ICA1: variants seen among roughly 807,000 people sequenced by gnomAD.
The protein encoded by ICA1 is islet cell autoantigen 1, also known as 69 kDa islet cell autoantigen.
In ICA1, 40 loss-of-function variants were observed where a neutral mutation model predicts 71.0. The observed-to-expected ratio is 0.56, with a 90% CI of 0.44 to 0.73. The LOEUF (loss-of-function observed/expected upper bound fraction) is 0.73, where lower values mean the gene tolerates loss of function less well. Ranked by LOEUF, ICA1 falls within the 30% of genes least tolerant of loss-of-function variation. The probability of loss-of-function intolerance (pLI) is 0.00; values close to 1 mark genes in which losing one functional copy is unlikely to be tolerated. For synonymous variants in ICA1, 207 were observed against 209.5 expected, an observed-to-expected ratio of 0.99 and a Z score of 0.10; for missense variants, 578 against 576.5, an observed-to-expected ratio of 1.00 and a Z score of -0.03.
chr7:8,131,053 G>A (rs1274074462), intron 12 of ICA1, among the ~76,000 whole-genome samples: 3 of 152,172 alleles, frequency 2.0e-5, no homozygotes, highest in Admixed American at 1.3e-4. Context: ...TGGCTCAGGG[G>A]TGGACACATG....
At chr7:8,129,860 C>A (rs1374952626) in intron 12 of ICA1, among the ~76,000 whole-genome samples, 1 of 132,540 alleles carries the variant, frequency 7.5e-6, no homozygotes, top group Admixed American at 7.9e-5. Flanking sequence ...CCCCTCCCCC[C>A]ACCCCACAAC....
rs554192710 is a variant in ICA1, at chr7:8,257,526, ACT to A, written c.-80+4566_-80+4567del. Among the ~76,000 whole-genome samples the A allele has an allele frequency of 3.5e-3, 539 of 152,104 alleles. 1 individual carries two copies. Among genetic ancestry groups the A allele is most frequent in the Non-Finnish European group, 6.1e-3 (416 of 67,988 alleles). On this transcript the variant is annotated intron_variant, in intron 1 of 13. Coordinates refer to ENST00000402384, the MANE Select transcript of ICA1 (RefSeq NM_001136020.3). ...AGGACCTTTCTAGTCTCCAATCTAG[ACT>A]CTTAAAATTAACAATGACTACTATC...
chr7:8,214,677 T>A (rs1794844569), intron 6 of ICA1, among the ~76,000 whole-genome samples: 1 of 152,122 alleles, frequency 6.6e-6, no homozygotes, highest in African/African-American at 2.4e-5. Context: ...ATGCTCTTAA[T>A]GTTGATGTTG....
intron 13 of ICA1, among the ~76,000 whole-genome samples, chr7:8,125,097 C>G (rs1788653216): frequency 6.6e-6 from 1 of 152,112 alleles, no homozygotes. Context: ...GTGGTAACTC[C>G]TTTAACACTG....
intron 6 of ICA1, among the ~76,000 whole-genome samples, chr7:8,216,584 C>CAAA (rs142208758): frequency 4.9e-5 from 7 of 143,728 alleles, no homozygotes; most frequent in Admixed American, 1.4e-4. Context: ...AAAACAAAAC[C>CAAA]AAAAAAAAAA....
At chr7:8,213,094 CCCCAGTTAA>C (rs1794341487) in intron 6 of ICA1, among the ~76,000 whole-genome samples, 1 of 152,142 alleles carries the variant, frequency 6.6e-6, no homozygotes, top group South Asian at 2.1e-4. Context: ...AAAACAGGCA[CCCCAGTTAA>C]ACAACCAAAC....
chr7:8,175,789 T>C (rs1051994328), intron 6 of ICA1, among the ~76,000 whole-genome samples: 1 of 152,152 alleles, frequency 6.6e-6, no homozygotes, highest in African/African-American at 2.4e-5. Context: ...TTTCTAGGAA[T>C]ATATCAAATG....
intron 4 of ICA1, among the ~76,000 whole-genome samples, chr7:8,227,187 AG>A (rs1396843362): frequency 6.6e-6 from 1 of 152,204 alleles, no homozygotes; most frequent in Non-Finnish European, 1.5e-5. Context: ...CCAGAACACA[AG>A]GTTTAAGCCA....
At position 8,127,937 on chromosome 7, in the gene ICA1, G is replaced by A. The variant is rs367963211; in HGVS notation, c.1266C>T (p.Gly422=). Residue 422 remains glycine (G), a synonymous_variant, in exon 13 of 14, where the codon GGC becomes GGT. Coordinates refer to ENST00000402384, the MANE Select transcript of ICA1 (RefSeq NM_001136020.3). ...LGEPDPKAQT[G]SGFLPSQLLD... ...AAAGCTGCGAAGGAAGGAAACCTGA[G>A]CCTGTCTGGGCCTTGGGGTCTGGCT... 20 of 1,614,134 alleles carry A rather than the reference G, an allele frequency of 1.2e-5. No individual in the cohort carries two copies. The African/African-American group carries it at 2.5e-4, about 20-fold the overall frequency.
chr7:8,189,810 G>A (rs1785018920), intron 6 of ICA1, among the ~76,000 whole-genome samples: 1 of 152,186 alleles, frequency 6.6e-6, no homozygotes, highest in South Asian at 2.1e-4. Flanking sequence ...GGCCCAGGCA[G>A]CAGCTGCAGG....
At chr7:8,175,634 G>C (rs1342584451) in intron 6 of ICA1, among the ~76,000 whole-genome samples, 2 of 152,088 alleles carry the variant, frequency 1.3e-5, no homozygotes, top group Non-Finnish European at 2.9e-5. Context: ...TCAGATAATA[G>C]TGGAAAAGCC....
At chr7:8,118,059 AAC>A (rs1785346577) in intron 13 of ICA1, among the ~76,000 whole-genome samples, 1 of 152,196 alleles carries the variant, frequency 6.6e-6, no homozygotes, top group African/African-American at 2.4e-5. Context: ...CATTAACATA[AAC>A]AGAGTACTCT....
At chr7:8,155,849 G>A (rs148270646) in intron 8 of ICA1, among the ~76,000 whole-genome samples, 5 of 152,100 alleles carry the variant, frequency 3.3e-5, no homozygotes, top group African/African-American at 1.2e-4. Flanking sequence ...TACCAACAAC[G>A]GTAACATTGC....
At chr7:8,250,917 T>C (rs971717269) in intron 1 of ICA1, among the ~76,000 whole-genome samples, 10 of 152,194 alleles carry the variant, frequency 6.6e-5, no homozygotes, top group African/African-American at 2.4e-4. Context: ...AATTTTTTTT[T>C]TGAGACAGGA....
intron 1 of ICA1, among the ~76,000 whole-genome samples, chr7:8,243,853 C>T (rs1804895521): frequency 6.6e-6 from 1 of 152,184 alleles, no homozygotes; most frequent in East Asian, 1.9e-4. Context: ...AGGAATCCAA[C>T]TTACAAGGGA....
At chr7:8,185,374 A>ACATCCATC (rs1032384101) in intron 6 of ICA1, among the ~76,000 whole-genome samples, 1 of 152,130 alleles carries the variant, frequency 6.6e-6, no homozygotes, top group Admixed American at 6.5e-5. Context: ...CTGGCCATCC[A>ACATCCATC]CATCCATCCA....
chr7:8,156,902 T>G, intron 8 of ICA1: 1 of 1,523,032 alleles, frequency 6.6e-7, no homozygotes, highest in South Asian at 1.3e-5. Context: ...TTGCAGTAGA[T>G]TCTCATTGTA....
intron 13 of ICA1, among the ~76,000 whole-genome samples, chr7:8,120,844 G>A (rs1213795279): frequency 1.3e-5 from 2 of 152,218 alleles, no homozygotes; most frequent in African/African-American, 2.4e-5. Context: ...GCCCAGAGCT[G>A]CGCTTTGCCA....
At chr7:8,120,539 T>G (rs1786501774) in intron 13 of ICA1, among the ~76,000 whole-genome samples, 1 of 152,198 alleles carries the variant, frequency 6.6e-6, no homozygotes, top group South Asian at 2.1e-4. Context: ...TGGTGTGAGT[T>G]GGCTGAGGCA....
Sources: allele counts gnomAD v4.1 joint callset (sites outside exome capture counted in the v4.1 genomes callset), GRCh38; gene constraint gnomAD v4.1.1; transcripts MANE v1.5; gene names NCBI Gene and HGNC (gene_info 2026-07-23, HGNC 2026-07-21).